Variants in SH3KBP1 observed in about 807,000 individuals in gnomAD.
The protein encoded by SH3KBP1 is SH3 domain containing kinase binding protein 1.
Under a neutral mutation model 50.1 loss-of-function variants are expected in SH3KBP1, and 8 were observed. The observed-to-expected ratio is 0.16, with a 90% CI of 0.09 to 0.29. The LOEUF is 0.29. SH3KBP1 is among the 10% of genes least tolerant of loss of function. The pLI, the probability that SH3KBP1 is intolerant of heterozygous loss-of-function variation, is 1.00. For synonymous variants in SH3KBP1, 227 were observed against 218.6 expected (o/e 1.04, Z -0.34); for missense variants, 377 against 535.2 (o/e 0.70, Z 2.92).
At chrX:19,620,805 T>G (rs2067787610) in intron 8 of SH3KBP1, among the ~76,000 whole-genome samples, 1 of 112,306 alleles carries the variant, frequency 8.9e-6, no homozygotes, top group African/African-American at 3.2e-5. Context: ...GCCAATAACA[T>G]TCTCTCAAGA....
chrX:19,717,217 T>C lies in SH3KBP1; in HGVS notation c.287-10233A>G, dbSNP rs191648257. 8.9e-4 allele frequency among the ~76,000 whole-genome samples: 100 copies of C among 111,775 alleles called. 5 individuals carry two copies. The East Asian group carries it at 0.016, about 18-fold the overall frequency. On this transcript the variant is annotated intron_variant, in intron 3 of 17. Coordinates refer to ENST00000397821, the MANE Select transcript of SH3KBP1 (RefSeq NM_031892.3). The stretch of plus-strand genomic sequence containing the variant: ...TCAGCTGACATGCCTGTTGCCTCCT[T>C]TGGGGGCCAATGACCTTCTCTTACT...
chrX:19,625,603 C>A (rs1227335883), intron 8 of SH3KBP1, among the ~76,000 whole-genome samples: 1 of 112,081 alleles, frequency 8.9e-6, no homozygotes, highest in Admixed American at 9.5e-5. Flanking sequence ...CTGACCCTAA[C>A]AGATCGGAAA....
At chrX:19,753,112 C>T (rs1161113427) in intron 2 of SH3KBP1, among the ~76,000 whole-genome samples, 2 of 112,126 alleles carry the variant, frequency 1.8e-5, no homozygotes, top group East Asian at 2.8e-4. Context: ...CTGGGCACCA[C>T]CCTGATCTGC....
At chrX:19,584,862 T>C (rs929302326) in intron 12 of SH3KBP1, among the ~76,000 whole-genome samples, 3 of 111,783 alleles carry the variant, frequency 2.7e-5, no homozygotes, top group Non-Finnish European at 5.6e-5. Context: ...GAGAGCTGCT[T>C]ACAGTGACTA....
intron 9 of SH3KBP1, among the ~76,000 whole-genome samples, chrX:19,598,356 T>A (rs1032803623): frequency 9.0e-6 from 1 of 111,111 alleles, no homozygotes; most frequent in African/African-American, 3.3e-5. Context: ...CCTTCCAAAG[T>A]GCTGAGATAA....
At chrX:19,787,689 A>G (rs1284471609) in intron 2 of SH3KBP1, among the ~76,000 whole-genome samples, 1 of 111,836 alleles carries the variant, frequency 8.9e-6, no homozygotes, top group Non-Finnish European at 1.9e-5. Flanking sequence ...TGGGGTGGAG[A>G]GGAGTTCTCT....
At chrX:19,564,158 G>A (rs1181993795) in intron 13 of SH3KBP1, among the ~76,000 whole-genome samples, 3 of 111,848 alleles carry the variant, frequency 2.7e-5, no homozygotes, top group African/African-American at 9.8e-5. Context: ...CCCAAGTCAG[G>A]AGATCTGAAT....
At chrX:19,811,095 T>C (rs1269837824) in intron 2 of SH3KBP1, among the ~76,000 whole-genome samples, 1 of 111,994 alleles carries the variant, frequency 8.9e-6, no homozygotes, top group Non-Finnish European at 1.9e-5. Context: ...AATAAGCAGA[T>C]TGGCAATTAT....
intron 13 of SH3KBP1, among the ~76,000 whole-genome samples, chrX:19,561,693 A>G: frequency 8.9e-6 from 1 of 111,946 alleles, no homozygotes. Context: ...TTTCCCATTA[A>G]GCTAAATTTG....
chrX:19,808,531 C>T (rs1262535404), intron 2 of SH3KBP1, among the ~76,000 whole-genome samples: 1 of 110,830 alleles, frequency 9.0e-6, no homozygotes, highest in African/African-American at 3.3e-5. Flanking sequence ...TCTGAATTTT[C>T]CCTCACCCTC....
intron 8 of SH3KBP1, among the ~76,000 whole-genome samples, chrX:19,617,829 C>T (rs982229345): frequency 9.9e-4 from 111 of 112,065 alleles, no homozygotes; most frequent in African/African-American, 3.6e-3. Flanking sequence ...CACCACCCTA[C>T]CCTCACAGCA....
At chrX:19,552,067 T>C (rs1225520840) in intron 13 of SH3KBP1, among the ~76,000 whole-genome samples, 1 of 112,515 alleles carries the variant, frequency 8.9e-6, no homozygotes, top group Non-Finnish European at 1.9e-5. Flanking sequence ...CTGTAGATAG[T>C]ATAGCTCATA....
intron 2 of SH3KBP1, among the ~76,000 whole-genome samples, chrX:19,778,437 A>AG (rs1378121575): frequency 9.3e-6 from 1 of 108,092 alleles, no homozygotes; most frequent in East Asian, 2.9e-4. Flanking sequence ...TCTCAAAAAA[A>AG]AAAAAAAAAA....
chrX:19,833,403 C>T (rs1286917791), intron 2 of SH3KBP1, among the ~76,000 whole-genome samples: 1 of 106,999 alleles, frequency 9.3e-6, no homozygotes, highest in Non-Finnish European at 1.9e-5. Context: ...CCTTCCTTCC[C>T]AGGGTCCTCC....
rs2061745495 is a variant in SH3KBP1, at chrX:19,637,903, C to T, written c.803-5945G>A. 2.8e-5 allele frequency among the ~76,000 whole-genome samples: 3 copies of T among 106,357 alleles called. No homozygotes were observed. The South Asian group carries it at 1.3e-3, about 45-fold the overall frequency. The allele number at this position is 106,357 out of a possible 115,157, so 92.4% of individuals were successfully genotyped here. A position where few individuals can be genotyped will look rare whatever the true frequency, so the allele number is the denominator to read the frequency against. On this transcript the variant is annotated intron_variant, in intron 7 of 17. Coordinates refer to ENST00000397821, the MANE Select transcript of SH3KBP1 (RefSeq NM_031892.3). ...ACCAGCTTGGTCAACATAGTGAAAC[C>T]CCATCTCTACTAAAAATACAAAAAT...
intron 2 of SH3KBP1, among the ~76,000 whole-genome samples, chrX:19,835,299 A>G (rs1330410625): frequency 8.2e-5 from 9 of 109,808 alleles, no homozygotes. Flanking sequence ...ATGCCTGGCT[A>G]ATTATTTTAT....
At chrX:19,793,701 A>G (rs1323785804) in intron 2 of SH3KBP1, among the ~76,000 whole-genome samples, 2 of 111,915 alleles carry the variant, frequency 1.8e-5, no homozygotes, top group Non-Finnish European at 1.9e-5. Context: ...CACTGCCCTG[A>G]GTCACATTAA....
chrX:19,546,958 C>A (rs758291702), intron 14 of SH3KBP1, among the ~76,000 whole-genome samples: 1 of 110,714 alleles, frequency 9.0e-6, no homozygotes, highest in Admixed American at 9.7e-5. Flanking sequence ...TTGGGACCAG[C>A]CTGGGCAACA....
intron 8 of SH3KBP1, among the ~76,000 whole-genome samples, chrX:19,609,969 T>C (rs1050597218): frequency 1.8e-5 from 2 of 111,639 alleles, no homozygotes; most frequent in Non-Finnish European, 3.8e-5. Context: ...AAGTAATTCA[T>C]CACCACCTTC....
Sources: gnomAD v4.1 joint callset for allele counts (sites outside exome capture counted in the v4.1 genomes callset) on GRCh38, gnomAD v4.1.1 for gene constraint, MANE v1.5 for transcripts, NCBI Gene and HGNC (gene_info 2026-07-23, HGNC 2026-07-21) for gene names.